Variants in NRG1 observed in about 807,000 individuals in gnomAD.
NRG1 encodes the protein neuregulin 1.
In NRG1, 18 loss-of-function variants were observed where a neutral mutation model predicts 63.8. The observed-to-expected ratio is 0.28, with a 90% CI of 0.19 to 0.42. The LOEUF (loss-of-function observed/expected upper bound fraction) is 0.42, where lower values mean the gene tolerates loss of function less well. Ranked by LOEUF, NRG1 falls within the 10% of genes least tolerant of loss-of-function variation. NRG1 has a pLI of 1.00. For missense variants in NRG1, 762 were observed against 814.7 expected, an observed-to-expected ratio of 0.94 and a Z score of 0.79; for synonymous variants, 302 against 301.3, an observed-to-expected ratio of 1.00 and a Z score of -0.02.
chr8:31,815,277 T>TA (rs1340766681), intron 1 of NRG1, among the ~76,000 whole-genome samples: 3 of 152,062 alleles, frequency 2.0e-5, no homozygotes, highest in Non-Finnish European at 4.4e-5. Context: ...CGGGCACCAC[T>TA]ATTCTACTGT....
intron 1 of NRG1, among the ~76,000 whole-genome samples, chr8:32,378,398 C>A (rs1371704291): frequency 2.0e-5 from 3 of 152,172 alleles, no homozygotes; most frequent in Non-Finnish European, 4.4e-5. Context: ...CCTACCATGA[C>A]AGCCACTGTG....
At chr8:31,990,981 A>G (rs551838978) in intron 1 of NRG1, among the ~76,000 whole-genome samples, 1 of 152,222 alleles carries the variant, frequency 6.6e-6, no homozygotes, top group East Asian at 1.9e-4. Flanking sequence ...CTGGTTAAGG[A>G]AGAATTGGTA....
At chr8:31,971,669 T>C (rs1212686694) in intron 1 of NRG1, among the ~76,000 whole-genome samples, 3 of 152,176 alleles carry the variant, frequency 2.0e-5, no homozygotes, top group Non-Finnish European at 4.4e-5. Context: ...ACCATGTTTT[T>C]ATGTACCACT....
intron 1 of NRG1, among the ~76,000 whole-genome samples, chr8:31,852,210 T>C (rs1303578044): frequency 6.6e-6 from 1 of 152,156 alleles, no homozygotes; most frequent in Non-Finnish European, 1.5e-5. Context: ...GTTGAACTAG[T>C]TTACAGTCCC....
intron 1 of NRG1, among the ~76,000 whole-genome samples, chr8:32,213,408 A>G (rs1844887830): frequency 6.6e-6 from 1 of 152,156 alleles, no homozygotes; most frequent in Non-Finnish European, 1.5e-5. Context: ...TGGGGGCTGA[A>G]AAATGAGAGC....
intron 5 of NRG1, among the ~76,000 whole-genome samples, chr8:32,699,598 A>G (rs1814313568): frequency 6.6e-6 from 1 of 152,254 alleles, no homozygotes; most frequent in Admixed American, 6.5e-5. Flanking sequence ...AATGGCTTCA[A>G]ACATAGGAGA....
chr8:32,226,279 CAG>C (rs1846309355), intron 1 of NRG1, among the ~76,000 whole-genome samples: 1 of 152,126 alleles, frequency 6.6e-6, no homozygotes, highest in Non-Finnish European at 1.5e-5. Context: ...TCCCTTCAAT[CAG>C]CACATTTTCA....
At chr8:32,758,523 CT>C (rs1341545305) in intron 9 of NRG1, among the ~76,000 whole-genome samples, 1 of 119,536 alleles carries the variant, frequency 8.4e-6, no homozygotes. Context: ...TTGCAGTGAG[CT>C]GAGATTGCAC....
chr8:31,827,232 T>A (rs374946982), intron 1 of NRG1, among the ~76,000 whole-genome samples: 6 of 152,334 alleles, frequency 3.9e-5, no homozygotes, highest in Admixed American at 1.3e-4. Context: ...TCATGGATAT[T>A]GTACCTGAAA....
At chr8:32,093,520 G>A (rs1256708739) in intron 1 of NRG1, among the ~76,000 whole-genome samples, 1 of 152,202 alleles carries the variant, frequency 6.6e-6, no homozygotes, top group African/African-American at 2.4e-5. Flanking sequence ...CTTGTACCAA[G>A]CCAGAGCCTT....
intron 1 of NRG1, among the ~76,000 whole-genome samples, chr8:32,180,946 T>C (rs1841369126): frequency 1.3e-5 from 2 of 152,142 alleles, no homozygotes; most frequent in African/African-American, 4.8e-5. Context: ...ACCATTCTAT[T>C]CTCTGCTTCT....
At chr8:32,716,820 G>A (rs1265019415) in intron 5 of NRG1, among the ~76,000 whole-genome samples, 5 of 70,594 alleles carry the variant, frequency 7.1e-5, no homozygotes, top group Non-Finnish European at 1.8e-4. Flanking sequence ...GTGTGCATGT[G>A]CGTGTGTGTG....
intron 1 of NRG1, among the ~76,000 whole-genome samples, chr8:32,416,317 C>T (rs1587505839): frequency 6.9e-6 from 1 of 145,848 alleles, no homozygotes; most frequent in African/African-American, 2.6e-5. Flanking sequence ...CTCCCTCCCT[C>T]CCTTCCTTCC....
At chr8:32,726,534 T>C (rs543696862) in intron 5 of NRG1, among the ~76,000 whole-genome samples, 1 of 152,142 alleles carries the variant, frequency 6.6e-6, no homozygotes, top group Admixed American at 6.5e-5. Flanking sequence ...GAAAAAGCCA[T>C]GCTGAGATCA....
intron 1 of NRG1, among the ~76,000 whole-genome samples, chr8:31,661,443 A>G (rs1469397840): frequency 6.6e-6 from 1 of 152,204 alleles, no homozygotes; most frequent in African/African-American, 2.4e-5. Flanking sequence ...GTAGATCCTG[A>G]TTAAGGTAGT....
At chr8:32,602,263 CTCTT>C (rs1395534566) in intron 2 of NRG1, among the ~76,000 whole-genome samples, 1 of 151,982 alleles carries the variant, frequency 6.6e-6, no homozygotes, top group Non-Finnish European at 1.5e-5. Context: ...TTTTAAATCT[CTCTT>C]TCTTTTAAAG....
At chr8:32,058,103 GCC>G (rs1823256933) in intron 1 of NRG1, among the ~76,000 whole-genome samples, 1 of 152,022 alleles carries the variant, frequency 6.6e-6, no homozygotes, top group Non-Finnish European at 1.5e-5. Context: ...ACCACGTGTA[GCC>G]CAAAAATATG....
chr8:32,590,425 C>G (rs1404581456), intron 1 of NRG1, among the ~76,000 whole-genome samples: 1 of 152,174 alleles, frequency 6.6e-6, no homozygotes, highest in Non-Finnish European at 1.5e-5. Flanking sequence ...GCTTAAGATT[C>G]TCGGAACACC....
At chr8:32,695,022 T>C (rs1052571252) in intron 5 of NRG1, among the ~76,000 whole-genome samples, 1 of 152,102 alleles carries the variant, frequency 6.6e-6, no homozygotes, top group Non-Finnish European at 1.5e-5. Flanking sequence ...CTGATCAATC[T>C]TGAGATACTA....
Sources: gnomAD v4.1 joint callset for allele counts (sites outside exome capture counted in the v4.1 genomes callset) on GRCh38, gnomAD v4.1.1 for gene constraint, MANE v1.5 for transcripts, NCBI Gene and HGNC (gene_info 2026-07-23, HGNC 2026-07-21) for gene names.